The following KLRF1 variants were observed in gnomAD, a reference collection of about 807,000 sequenced individuals.
KLRF1 encodes the protein killer cell lectin like receptor F1, also known as killer cell lectin-like receptor subfamily F member 1.
KLRF1 carries 27 observed loss-of-function variants against 30.7 expected under a neutral mutation model. That is an observed-to-expected ratio of 0.88 (90% CI 0.65 to 1.21). The LOEUF is 1.21. Among genes scored for constraint, KLRF1 ranks in the 50% most tolerant of loss-of-function variants. The pLI is 0.00. For missense variants in KLRF1, 246 were observed against 259.3 expected (o/e 0.95, Z 0.35); for synonymous variants, 92 against 89.3 (o/e 1.03, Z -0.17).
rs1278840185 is a variant in KLRF1, at chr12:9,841,923, TA to T, written c.447del (p.Leu150Ter). 6.2e-7 allele frequency: 1 copy of T among 1,612,192 alleles called. No individual in the cohort carries two copies. Among genetic ancestry groups the T allele is most frequent in the African/African-American group, 1.3e-5 (1 of 74,838 alleles). ...TATTGTTTGGAAAGAAAATCTCATC[TA>T]CTAATCATACATGACCAACTTGAAA... Reference protein sequence around the residue: ...YVYCLERKSHLLIIHDQLEMA... With the variant: ...YVYCLERKSHXLIIHDQLEMA... On this transcript the variant is annotated frameshift_variant, in exon 4 of 6. Coordinates refer to ENST00000617889, the MANE Select transcript of KLRF1 (RefSeq NM_016523.3). LOFTEE classifies it high-confidence loss of function.
chr12:9,832,359 A>G lies in KLRF1; in HGVS notation c.129A>G (p.Ile43Met). The G allele has an allele frequency of 1.2e-6, 2 of 1,610,438 alleles. No individual in the cohort carries two copies. The highest frequency in any genetic ancestry group is 1.1e-5 in the South Asian group (1 of 90,868). The change falls in exon 2 of 6, where the codon ATA becomes ATG. Residue 43 changes from isoleucine (I) to methionine (M), a missense_variant. Coordinates refer to ENST00000617889, the MANE Select transcript of KLRF1 (RefSeq NM_016523.3). ...ACTGGTATAAAATCTTACTGGGAAT[A>G]TCTGGAACCGTGAATGGTATTCTCA... ...TLHWYKILLG[I>M]SGTVNGILTL... is the part of the protein sequence containing the mutation.
the KLRF1 span, among the ~76,000 whole-genome samples, chr12:9,812,329 C>T: frequency 7.0e-6 from 1 of 142,562 alleles, no homozygotes; most frequent in Non-Finnish European, 1.5e-5. Flanking sequence ...TGCACCACTG[C>T]ACTCCAGCCT....
chr12:9,811,807 A>G, the KLRF1 span, among the ~76,000 whole-genome samples: 2 of 152,196 alleles, frequency 1.3e-5, no homozygotes, highest in African/African-American at 2.4e-5. Flanking sequence ...TCAGTTTTAC[A>G]TACATACTGA....
At chr12:9,840,284 G>A (rs746698560) in intron 3 of KLRF1, among the ~76,000 whole-genome samples, 4 of 152,206 alleles carry the variant, frequency 2.6e-5, no homozygotes, top group African/African-American at 7.2e-5. Context: ...GTACAACATT[G>A]TGGGTGTATT....
rs932352159 is a variant in KLRF1 at position 9,829,983 on chromosome 12, C to A, written c.86-2333C>A. 3.3e-5 allele frequency among the ~76,000 whole-genome samples: 5 copies of A among 152,140 alleles called. No individual in the cohort carries two copies. The East Asian group carries it at 9.6e-4, about 29-fold the overall frequency. ...ATAAAACAACCCGATGTAGCTTTTA[C>A]GTCTAAATTACTTCCTAGTCTGTCA... is the stretch of plus-strand genomic sequence containing the variant. On this transcript the variant is annotated intron_variant, in intron 1 of 5. Transcript: ENST00000617889.
chr12:9,833,603 T>A, intron 3 of KLRF1, 151 bp downstream of exon 3: 4 of 563,618 alleles, frequency 7.1e-6, no homozygotes, highest in Non-Finnish European at 1.1e-5. Context: ...TAGGTATCTT[T>A]AAACTTGTTG....
At chr12:9,811,234 C>T in the KLRF1 span, among the ~76,000 whole-genome samples, 3 of 138,524 alleles carry the variant, frequency 2.2e-5, no homozygotes, top group Middle Eastern at 4.1e-3. Context: ...GATTTGCAAG[C>T]AGGATTGCCA....
chr12:9,811,749 T>A, the KLRF1 span, among the ~76,000 whole-genome samples: 4 of 152,202 alleles, frequency 2.6e-5, no homozygotes, highest in African/African-American at 9.7e-5. Flanking sequence ...ATCCGAAAGT[T>A]CACTCTCTGA....
At chr12:9,829,612 T>A (rs1867365779) in intron 1 of KLRF1, among the ~76,000 whole-genome samples, 1 of 152,004 alleles carries the variant, frequency 6.6e-6, no homozygotes, top group Non-Finnish European at 1.5e-5. Context: ...ATAAAAAAAT[T>A]AATCAGTCAT....
intron 1 of KLRF1, among the ~76,000 whole-genome samples, chr12:9,828,729 A>G (rs1161396195): frequency 6.6e-6 from 1 of 152,206 alleles, no homozygotes; most frequent in African/African-American, 2.4e-5. Context: ...CGTGCTATGT[A>G]TAAGAAATTT....
At chr12:9,804,186 T>C in the KLRF1 span, among the ~76,000 whole-genome samples, 3 of 152,036 alleles carry the variant, frequency 2.0e-5, no homozygotes, top group Non-Finnish European at 4.4e-5. Flanking sequence ...AATAACTATG[T>C]TCTTGATAAT....
intron 3 of KLRF1, among the ~76,000 whole-genome samples, chr12:9,837,782 T>C (rs1315392022): frequency 1.3e-5 from 2 of 152,106 alleles, no homozygotes. Flanking sequence ...CTAAAACAAT[T>C]CAAGAGTCCA....
the KLRF1 span, among the ~76,000 whole-genome samples, chr12:9,819,060 G>C: frequency 6.6e-6 from 1 of 152,178 alleles, no homozygotes; most frequent in Admixed American, 6.5e-5. Flanking sequence ...GCACCTGGGG[G>C]AGCACAATTC....
chr12:9,819,375 T>C, the KLRF1 span, among the ~76,000 whole-genome samples: 21 of 152,186 alleles, frequency 1.4e-4, no homozygotes, highest in Non-Finnish European at 2.4e-4. Context: ...CAGCCACTGG[T>C]AGCAAGGTTA....
intron 3 of KLRF1, among the ~76,000 whole-genome samples, chr12:9,839,586 A>G (rs1867659591): frequency 3.9e-5 from 6 of 152,106 alleles, no homozygotes; most frequent in African/African-American, 4.8e-5. Context: ...TCTCCAAAAA[A>G]CACTATACAA....
intron 3 of KLRF1, among the ~76,000 whole-genome samples, chr12:9,836,265 G>A (rs758275492): frequency 1.3e-5 from 2 of 152,042 alleles, no homozygotes; most frequent in African/African-American, 2.4e-5. Context: ...TACTTGGACC[G>A]AGCCCCAAAA....
At chr12:9,824,335 T>C (rs1023259397), upstream of KLRF1, among the ~76,000 whole-genome samples, 1 of 152,190 alleles carries the variant, frequency 6.6e-6, no homozygotes, top group African/African-American at 2.4e-5. Flanking sequence ...TCAATAAATA[T>C]GACTCATTTC....
intron 1 of KLRF1, among the ~76,000 whole-genome samples, chr12:9,829,133 G>A (rs1236848804): frequency 6.6e-6 from 1 of 152,044 alleles, no homozygotes; most frequent in Non-Finnish European, 1.5e-5. Flanking sequence ...AACCTTTGTT[G>A]CCAGTGATAG....
chr12:9,831,111 T>C (rs889807412), intron 1 of KLRF1, among the ~76,000 whole-genome samples: 12 of 151,998 alleles, frequency 7.9e-5, no homozygotes, highest in Admixed American at 1.3e-4. Flanking sequence ...CTTCCACAAC[T>C]TTTTTTCCTA....
Sources: allele counts gnomAD v4.1 joint callset (sites outside exome capture counted in the v4.1 genomes callset), GRCh38; gene constraint gnomAD v4.1.1; transcripts MANE v1.5; gene names NCBI Gene and HGNC (gene_info 2026-07-23, HGNC 2026-07-21).